The following KHNYN variants were observed in gnomAD, a reference collection of about 807,000 sequenced individuals.
KHNYN encodes the protein protein KHNYN.
In KHNYN, 42 loss-of-function variants were observed where a neutral mutation model predicts 62.7. The ratio of observed to expected loss-of-function variants is 0.67; its 90% CI spans 0.52 to 0.87. The LOEUF (loss-of-function observed/expected upper bound fraction) is 0.87, where lower values mean the gene tolerates loss of function less well. Ranked by LOEUF, KHNYN falls within the 40% of genes least tolerant of loss-of-function variation. The pLI, the probability that KHNYN is intolerant of heterozygous loss-of-function variation, is 0.00. For missense variants in KHNYN, 829 were observed against 874.1 expected, an observed-to-expected ratio of 0.95 and a Z score of 0.65; for synonymous variants, 347 against 345.6, an observed-to-expected ratio of 1.00 and a Z score of -0.04.
upstream of KHNYN, chr14:24,427,777 A>C: frequency 6.2e-7 from 1 of 1,613,706 alleles, no homozygotes. The surrounding 1 kb of genome is among the most constrained non-coding windows in gnomAD (Gnocchi z 4.4). Flanking sequence ...TGTGCTTGAA[A>C]GACTTGGGTC....
chr14:24,431,335 C>A, intron 2 of KHNYN, 128 bp from the exon 3 acceptor site: 1 of 727,960 alleles, frequency 1.4e-6, no homozygotes, highest in Non-Finnish European at 2.2e-6. Context: ...GTTTCCTTAT[C>A]TCTAAAATGG....
intron 6 of KHNYN, 100 bp from the exon 7 acceptor site, chr14:24,436,288 T>C: frequency 7.0e-7 from 1 of 1,433,342 alleles, no homozygotes; most frequent in Non-Finnish European, 9.8e-7. Context: ...GAAGTTTTCT[T>C]GAAGGATGGA....
In KHNYN at chr14:24,440,507, A is replaced by C. The variant is rs1484323687; in HGVS notation, c.*3222A>C. The C allele has an allele frequency of 1.9e-6, 3 of 1,593,188 alleles. No homozygotes were observed. In the South Asian group the frequency reaches 3.4e-5, roughly 18 times the overall value. On this transcript the variant is annotated 3_prime_UTR_variant, in exon 8 of 8. Coordinates refer to ENST00000553935, the MANE Select transcript of KHNYN (RefSeq NM_015299.3). ...CAGCACAACCCCTAGAGCAGGAAAG[A>C]GGGAAGGTACAGGGGTCCTCTCAGC... is the stretch of plus-strand genomic sequence containing the variant.
At chr14:24,434,478 C>T (rs905910898) in intron 5 of KHNYN, 14 of 558,874 alleles carry the variant, frequency 2.5e-5, no homozygotes, top group African/African-American at 2.0e-4. Context: ...GATCTCGGCT[C>T]ACTGCAACCT....
Position 24,431,994 on chromosome 14 carries a change from T to C in KHNYN, c.733T>C (p.Cys245Arg). Reference protein sequence around the residue: ...LDTGSMGPGDCRGARGDTYAV... With the variant: ...LDTGSMGPGDRRGARGDTYAV... Reference sequence around the variant, plus strand: ...CACTGGATCTATGGGACCCGGAGATTGCAGGGGAGCAAGGGGAGACACTTA... The same window carrying C: ...CACTGGATCTATGGGACCCGGAGATCGCAGGGGAGCAAGGGGAGACACTTA... Residue 245 changes from cysteine to arginine, a missense_variant, in exon 3 of 8, where the codon TGC becomes CGC. This residue lies in a region of KHNYN where 559 missense variants were observed against 527.0 expected (regional missense o/e 1.06). Transcript: ENST00000553935. The C allele has an allele frequency of 6.2e-7, 1 of 1,611,636 alleles. No individual in the cohort carries two copies. The highest frequency in any genetic ancestry group is 8.5e-7 in the Non-Finnish European group (1 of 1,178,358).
chr14:24,425,674 C>T (rs534491244), upstream of KHNYN, among the ~76,000 whole-genome samples: 106 of 152,304 alleles, frequency 7.0e-4, no homozygotes, highest in Non-Finnish European at 1.3e-3. Context: ...ACAGCCAAAC[C>T]TACTCTTAAT....
Position 24,436,453 on chromosome 14 carries a change from G to A in KHNYN, c.1751G>A (p.Gly584Asp). The A allele has an allele frequency of 6.2e-7, 1 of 1,613,444 alleles. No individual in the cohort carries two copies. The highest frequency in any genetic ancestry group is 2.2e-5 in the East Asian group (1 of 44,878). ...MVPDDPLGRN[G>D]PTLDEFLKKP... Reference sequence around the variant, plus strand: ...CCTGATGACCCACTGGGGCGAAACGGCCCCACCCTGGATGAATTTCTGAAG... The same window carrying A: ...CCTGATGACCCACTGGGGCGAAACGACCCCACCCTGGATGAATTTCTGAAG... The change falls in exon 7 of 8, where the codon GGC (glycine) becomes GAC (aspartate). Residue 584 changes from glycine (G) to aspartate (D), a missense_variant. This residue lies in a region of KHNYN where 270 missense variants were observed against 347.1 expected (regional missense o/e 0.78). Transcript: ENST00000553935.
Position 24,432,710 on chromosome 14 carries a change from C to T in KHNYN, c.1350-12C>T. 6.2e-7 allele frequency: 1 copy of T among 1,614,170 alleles called. No homozygotes were observed. Among genetic ancestry groups the T allele is most frequent in the African/African-American group, 1.3e-5 (1 of 75,060 alleles). The stretch of plus-strand genomic sequence containing the variant: ...CCAAGCCCCTCCTCTGGCCGACCCC[C>T]TCCCACTACAGGCATGGCCTCCAGC... On this transcript the variant is annotated splice_polypyrimidine_tract_variant and intron_variant, in intron 3 of 7. Transcript: ENST00000553935. The surrounding 1 kb of genome is among the most constrained non-coding windows in gnomAD (Gnocchi z 5.6).
In KHNYN at chr14:24,437,383, G is replaced by A; in HGVS notation, c.*98G>A. 6.9e-7 allele frequency: 1 copy of A among 1,446,432 alleles called. No homozygotes were observed. The allele number at this position is 1,446,432 out of a possible 1,614,324, so 89.6% of individuals were successfully genotyped here. A position where few individuals can be genotyped will look rare whatever the true frequency, so the allele number is the denominator to read the frequency against. ...CCTCTGCTGCTCACTCTGATCCAGAGGCACCCTGAGTTGGTGCTTTGGATC... is the reference window on the plus strand; with the variant it reads ...CCTCTGCTGCTCACTCTGATCCAGAAGCACCCTGAGTTGGTGCTTTGGATC... On this transcript the variant is annotated 3_prime_UTR_variant, in exon 8 of 8. Coordinates refer to ENST00000553935, the MANE Select transcript of KHNYN (RefSeq NM_015299.3). The surrounding 1 kb of genome is among the most constrained non-coding windows in gnomAD (Gnocchi z 5.5).
chr14:24,433,115 T>A, intron 5 of KHNYN, 83 bp downstream of exon 5: 1 of 1,279,282 alleles, frequency 7.8e-7, no homozygotes, highest in South Asian at 1.2e-5. Flanking sequence ...CTCCTGGTGG[T>A]TTACGCTGTT....
upstream of KHNYN, chr14:24,429,569 C>A: frequency 1.9e-6 from 1 of 534,254 alleles, no homozygotes; most frequent in Non-Finnish European, 3.0e-6. Flanking sequence ...AGGGGTACTC[C>A]ACCACGGGTA....
rs1043831 is a variant in KHNYN, at chr14:24,440,156, T to C, written c.*2871T>C. On this transcript the variant is annotated 3_prime_UTR_variant, in exon 8 of 8. Transcript: ENST00000553935. Reference sequence around the variant, plus strand: ...CTGGTAGCCAGTGGCCAGTGTTCGCTGTGGGATCACCTTCTGGCCCTCCAG... The same window carrying C: ...CTGGTAGCCAGTGGCCAGTGTTCGCCGTGGGATCACCTTCTGGCCCTCCAG... The C allele has an allele frequency of 0.88, 1,421,095 of 1,613,408 alleles. 631,739 individuals carry two copies. The highest frequency in any genetic ancestry group is 0.9 in the Non-Finnish European group (1,065,581 of 1,179,608).
rs1233409491 is a variant in KHNYN, at chr14:24,439,769, G to A, written c.*2484G>A. On this transcript the variant is annotated 3_prime_UTR_variant, in exon 8 of 8. Coordinates refer to ENST00000553935, the MANE Select transcript of KHNYN (RefSeq NM_015299.3). ...AGGCCAAAGAGATGAGCCAAGGTTA[G>A]TGAGACAATTTATTTTTATTGCCTA... The A allele has an allele frequency of 8.6e-6, 2 of 232,264 alleles. No individual in the cohort carries two copies. The highest frequency in any genetic ancestry group is 9.0e-5 in the East Asian group (1 of 11,072). The allele number at this position is 232,264 out of a possible 1,614,324, so 14.4% of individuals were successfully genotyped here.
chr14:24,434,997 T>C (rs1594757093), intron 5 of KHNYN, among the ~76,000 whole-genome samples: 1 of 151,896 alleles, frequency 6.6e-6, no homozygotes, highest in Admixed American at 6.6e-5. Context: ...GATTTGTGAG[T>C]TTTTGTGTTG....
At chr14:24,433,095 G>C in intron 5 of KHNYN, 63 bp downstream of exon 5, 1 of 1,449,766 alleles carries the variant, frequency 6.9e-7, no homozygotes, top group Non-Finnish European at 9.7e-7. Context: ...GACTGAGGGA[G>C]AGAGAAAAGC....
chr14:24,441,639 G>T lies in KHNYN; in HGVS notation c.*4354G>T, dbSNP rs772799409. The T allele has an allele frequency of 6.5e-7, 1 of 1,544,980 alleles. No individual in the cohort carries two copies. Among genetic ancestry groups the T allele is most frequent in the Admixed American group, 2.2e-5 (1 of 45,718 alleles). On this transcript the variant is annotated 3_prime_UTR_variant, in exon 8 of 8. Transcript: ENST00000553935. ...AGGTCTGAGTTACCCCGTTCCCCTG[G>T]CGAATATAAGGGGCTGGTGATTTGG...
intron 6 of KHNYN, 63 bp downstream of exon 6, chr14:24,436,242 G>T: frequency 6.6e-7 from 1 of 1,508,070 alleles, no homozygotes; most frequent in Non-Finnish European, 9.2e-7. Context: ...AGCCAGCTCT[G>T]CTCTGGCCAT....
In KHNYN at chr14:24,441,757, C is replaced by T. The variant is rs771553538; in HGVS notation, c.*4472C>T. 2.1e-5 allele frequency: 34 copies of T among 1,602,344 alleles called. No individual in the cohort carries two copies. Among genetic ancestry groups the T allele is most frequent in the African/African-American group, 1.1e-4 (8 of 74,170 alleles). ...AGCCAGCAATTGGGTGGTCTCTAGGCGGCTGCCGATTACCTCTTTTTGGAA... is the reference window on the plus strand; with the variant it reads ...AGCCAGCAATTGGGTGGTCTCTAGGTGGCTGCCGATTACCTCTTTTTGGAA... On this transcript the variant is annotated 3_prime_UTR_variant, in exon 8 of 8. Transcript: ENST00000553935.
chr14:24,432,049 G>T lies in KHNYN; in HGVS notation c.788G>T (p.Gly263Val). ...GTGGAGAAGGAGGGAGGGAAACAGG[G>T]TGGTCCCAGGGAGATGGATTGGGGG... ...YAVEKEGGKQ[G>V]GPREMDWGWK... Residue 263 changes from glycine (G) to valine (V), a missense_variant, in exon 3 of 8, where the codon GGT (glycine) becomes GTT (valine). Gly to Val is a moderately radical substitution (Grantham distance 109, BLOSUM62 -3). Transcript: ENST00000553935. This position sits in a 1 kb window ranked among gnomAD's most constrained non-coding sequence, Gnocchi z 5.6. The T allele has an allele frequency of 6.3e-7, 1 of 1,595,138 alleles. No homozygotes were observed. Among genetic ancestry groups the T allele is most frequent in the Non-Finnish European group, 8.6e-7 (1 of 1,168,940 alleles).
Sources: allele counts gnomAD v4.1 joint callset (sites outside exome capture counted in the v4.1 genomes callset), GRCh38; gene constraint gnomAD v4.1.1; regional missense constraint gnomAD v4.1.1; non-coding constraint Gnocchi (gnomAD v3.1); transcripts MANE v1.5; gene names NCBI Gene and HGNC (gene_info 2026-07-23, HGNC 2026-07-21).